The following PLEKHA8 variants were observed in gnomAD, a reference collection of about 807,000 sequenced individuals.
PLEKHA8 encodes pleckstrin homology domain-containing family A member 8.
PLEKHA8 carries 36 observed loss-of-function variants against 68.2 expected under a neutral mutation model. The observed-to-expected ratio is 0.53, with a 90% CI of 0.40 to 0.70. The LOEUF (loss-of-function observed/expected upper bound fraction) is 0.70. Among genes scored for constraint, PLEKHA8 ranks in the 30% least tolerant of loss-of-function variants. The probability of loss-of-function intolerance (pLI) is 0.00; values close to 1 mark genes in which losing one functional copy is unlikely to be tolerated. For missense variants in PLEKHA8, 505 were observed against 615.4 expected (o/e 0.82, Z 1.90); for synonymous variants, 211 against 216.1 (o/e 0.98, Z 0.20).
intron 13 of PLEKHA8, among the ~76,000 whole-genome samples, chr7:30,077,106 A>G (rs1794655078): frequency 6.6e-6 from 1 of 152,142 alleles, no homozygotes; most frequent in Admixed American, 6.5e-5. Flanking sequence ...GGCTGAGTGT[A>G]GAATTCTAGG....
At chr7:30,041,692 G>A (rs565385790) in intron 1 of PLEKHA8, among the ~76,000 whole-genome samples, 2 of 152,300 alleles carry the variant, frequency 1.3e-5, no homozygotes, top group East Asian at 3.9e-4. Context: ...ACGGAGCCCA[G>A]CCTTCAAGCT....
At chr7:30,041,817 ACT>A (rs574782085) in intron 1 of PLEKHA8, among the ~76,000 whole-genome samples, 39 of 151,378 alleles carry the variant, frequency 2.6e-4, no homozygotes, top group East Asian at 7.8e-4. Flanking sequence ...GTTTTAGGAC[ACT>A]CTTTTTTTTT....
Position 30,083,959 on chromosome 7 carries a change from T to G in PLEKHA8, c.*5172T>G. On this transcript the variant is annotated 3_prime_UTR_variant, in exon 14 of 14. Transcript: ENST00000449726. ...GTTGATAGGAAGGATGCTCTAGAAGTACTTCTGTTGTTTCCTAGAAGGCTA... is the reference window on the plus strand; with the variant it reads ...GTTGATAGGAAGGATGCTCTAGAAGGACTTCTGTTGTTTCCTAGAAGGCTA... The G allele has an allele frequency of 1.0e-6, 1 of 985,470 alleles. No individual in the cohort carries two copies. The highest frequency in any genetic ancestry group is 1.2e-6 in the Non-Finnish European group (1 of 829,912). The allele number at this position is 985,470 out of a possible 1,614,324, so 61.0% of individuals were successfully genotyped here.
At chr7:30,089,050 TA>T (rs1795292853), downstream of PLEKHA8, among the ~76,000 whole-genome samples, 1 of 152,082 alleles carries the variant, frequency 6.6e-6, no homozygotes, top group Non-Finnish European at 1.5e-5. Flanking sequence ...ATACAGTAGA[TA>T]TGTCTCCTCT....
intron 13 of PLEKHA8, among the ~76,000 whole-genome samples, chr7:30,117,609 C>T (rs545319953): frequency 3.9e-5 from 6 of 151,918 alleles, no homozygotes; most frequent in Non-Finnish European, 4.4e-5. Context: ...GAGGCTGAGG[C>T]GAGAGGGTCA....
chr7:30,034,432 C>T lies in PLEKHA8; in HGVS notation c.40+5630C>T, dbSNP rs530140959. Among the ~76,000 whole-genome samples the T allele has an allele frequency of 3.3e-5, 5 of 152,210 alleles. No homozygotes were observed. The South Asian group carries it at 1.0e-3, about 32-fold the overall frequency. ...CAGTCAAAAGTCTGCATGTAACTTTCGATTCCCCCAAAATCTTAACCAGTA... is the reference window on the plus strand; with the variant it reads ...CAGTCAAAAGTCTGCATGTAACTTTTGATTCCCCCAAAATCTTAACCAGTA... On this transcript the variant is annotated intron_variant, in intron 1 of 13. Transcript: ENST00000449726.
At chr7:30,045,475 C>T (rs1203858576) in intron 2 of PLEKHA8, among the ~76,000 whole-genome samples, 1 of 152,164 alleles carries the variant, frequency 6.6e-6, no homozygotes, top group Non-Finnish European at 1.5e-5. Context: ...TCACTTGGGA[C>T]CAGTGGCTAT....
intron 1 of PLEKHA8, among the ~76,000 whole-genome samples, chr7:30,037,102 A>G (rs572075264): frequency 2.0e-5 from 3 of 152,320 alleles, no homozygotes; most frequent in East Asian, 3.9e-4. Flanking sequence ...GGTCAGGGGT[A>G]GCAAATTAAT....
intron 5 of PLEKHA8, 90 bp downstream of exon 5, chr7:30,049,472 A>T: frequency 6.8e-7 from 1 of 1,460,840 alleles, no homozygotes; most frequent in South Asian, 1.4e-5. Flanking sequence ...CCCTTTAGTG[A>T]CTTATAAAGA....
intron 13 of PLEKHA8, chr7:30,117,856 C>CAGATT (rs147327175): frequency 0.24 from 142,082 of 600,922 alleles, 17,801 homozygotes; most frequent in African/African-American, 0.38. Context: ...ATATTAGAAA[C>CAGATT]AGAAGTATAA....
At chr7:30,119,278 A>G (rs1002399669) in intron 13 of PLEKHA8, among the ~76,000 whole-genome samples, 3 of 152,362 alleles carry the variant, frequency 2.0e-5, no homozygotes, top group Non-Finnish European at 2.9e-5. Flanking sequence ...CCATGTAGGA[A>G]TCTGCATCCT....
At chr7:30,114,017 C>G (rs12112480) in intron 13 of PLEKHA8, among the ~76,000 whole-genome samples, 41,647 of 151,412 alleles carry the variant, frequency 0.28, 6,168 homozygotes, top group African/African-American at 0.38. Flanking sequence ...TCCTGCCTCA[C>G]CCTCCCCAGT....
chr7:30,070,338 A>G (rs1794152517), intron 12 of PLEKHA8, among the ~76,000 whole-genome samples: 1 of 152,112 alleles, frequency 6.6e-6, no homozygotes, highest in Non-Finnish European at 1.5e-5. Context: ...GGGAAGACAG[A>G]TGTGCTGCTG....
intron 6 of PLEKHA8, among the ~76,000 whole-genome samples, chr7:30,051,213 T>C (rs1186735736): frequency 6.6e-6 from 1 of 152,172 alleles, no homozygotes. Context: ...AATTATTTAA[T>C]AGTTCATCTC....
Position 30,049,230 on chromosome 7 carries a change from A to C in PLEKHA8, c.445A>C (p.Ile149Leu). Residue 149 changes from isoleucine to leucine, a missense_variant, in exon 5 of 14, where the codon ATT becomes CTT. By Grantham distance (5) the Ile-to-Leu change is conservative. Coordinates refer to ENST00000449726, the MANE Select transcript of PLEKHA8 (RefSeq NM_001197026.2). ...TTGVSNSEEGIDVGTLLKSTC... is the reference protein window; with the variant it reads ...TTGVSNSEEGLDVGTLLKSTC... ...CACTCTGGTTGTTTCGTAGGAGGGA[A>C]TTGATGTGGGAACTTTGCTGAAATC... 6.2e-7 allele frequency: 1 copy of C among 1,613,778 alleles called. No homozygotes were observed. Among genetic ancestry groups the C allele is most frequent in the Non-Finnish European group, 8.5e-7 (1 of 1,179,974 alleles).
intron 10 of PLEKHA8, among the ~76,000 whole-genome samples, chr7:30,061,471 T>TA (rs1163983740): frequency 6.6e-6 from 1 of 152,176 alleles, no homozygotes; most frequent in Non-Finnish European, 1.5e-5. Context: ...CAGTGCCCAA[T>TA]AAAAATCTTT....
chr7:30,042,384 C>G (rs2127968196), intron 1 of PLEKHA8, among the ~76,000 whole-genome samples: 1 of 152,306 alleles, frequency 6.6e-6, no homozygotes, highest in South Asian at 2.1e-4. Flanking sequence ...CTCACAAATA[C>G]AGATGGGTCT....
At chr7:30,087,508 T>G (rs768616508), downstream of PLEKHA8, among the ~76,000 whole-genome samples, 8 of 152,150 alleles carry the variant, frequency 5.3e-5, no homozygotes, top group Non-Finnish European at 1.0e-4. Context: ...CCAAGTCAGT[T>G]GAGTCACCAT....
rs543510104 is a variant in PLEKHA8, at chr7:30,116,008, A to G, written c.1363-13258A>G. 13 of 150,892 alleles carry G rather than the reference A, an allele frequency of 8.6e-5. No homozygotes were observed. In the East Asian group the frequency reaches 1.2e-3, roughly 14 times the overall value. The allele number at this position is 150,892 out of a possible 1,614,324, so 9.3% of individuals were successfully genotyped here. On this transcript the variant is annotated intron_variant, in intron 13 of 13. Coordinates refer to the PLEKHA8 transcript ENST00000396257. ...TGTATGCATACGCATACATACGCAT[A>G]CATACGCATACATACGTATACATAC...
Sources: allele counts gnomAD v4.1 joint callset (sites outside exome capture counted in the v4.1 genomes callset), GRCh38; gene constraint gnomAD v4.1.1; transcripts MANE v1.5; gene names NCBI Gene and HGNC (gene_info 2026-07-23, HGNC 2026-07-21).